PCDHB9: variants seen among roughly 807,000 people sequenced by gnomAD.
PCDHB9 encodes protocadherin beta-9.
For synonymous variants in PCDHB9, 501 were observed against 439.7 expected (o/e 1.14, Z -1.75); for missense variants, 1,072 against 995.1 (o/e 1.08, Z -1.04).
rs1478195390 is a variant in PCDHB9, at chr5:141,187,232, A to T, written c.-87A>T. The T allele has an allele frequency of 2.2e-6, 3 of 1,387,854 alleles. No individual in the cohort carries two copies. The Admixed American group carries it at 6.6e-5, about 31-fold the overall frequency. 86.0% of individuals were successfully genotyped at this position (1,387,854 alleles called of 1,614,324 possible). ...GGAAAGGAAAAATTAAAAACCCTAG[A>T]TCTCTGGTACACATAAGTCTGGGTT... On this transcript the variant is annotated 5_prime_UTR_variant, in exon 1 of 1. Coordinates refer to ENST00000316105, the MANE Select transcript of PCDHB9 (RefSeq NM_019119.5).
chr5:141,187,888 A>G lies in PCDHB9; in HGVS notation c.570A>G (p.Ile190Met). 2.5e-6 allele frequency: 4 copies of G among 1,614,210 alleles called. No homozygotes were observed. Among genetic ancestry groups the G allele is most frequent in the Non-Finnish European group, 3.4e-6 (4 of 1,180,032 alleles). Residue 190 changes from isoleucine (I) to methionine (M), a missense_variant, in exon 1 of 1, where the codon ATA becomes ATG. Transcript: ENST00000316105. ...IKISGSDEGM[I>M]YPELVLDKAL... is the part of the protein sequence containing the mutation. ...TTAGTGGCAGTGATGAAGGCATGAT[A>G]TATCCAGAGCTAGTGTTGGACAAAG...
In PCDHB9 at chr5:141,188,059, T is replaced by G. The variant is rs1753783988; in HGVS notation, c.741T>G (p.Tyr247Ter). The G allele has an allele frequency of 6.2e-7, 1 of 1,613,874 alleles. No individual in the cohort carries two copies. The highest frequency in any genetic ancestry group is 8.5e-7 in the Non-Finnish European group (1 of 1,179,952). The change falls in exon 1 of 1, where the codon TAT becomes TAG. Residue 247 changes from tyrosine (Y) to a stop codon, truncating the protein, a stop_gained. Coordinates refer to ENST00000316105, the MANE Select transcript of PCDHB9 (RefSeq NM_019119.5). LOFTEE classifies it low-confidence loss of function (END_TRUNC). ...DNVPQFAQAL[Y>*]ETQAPENSPV... ...TCCCACAGTTTGCCCAGGCTCTGTA[T>G]GAGACCCAGGCTCCAGAAAACAGTC...
In PCDHB9 at chr5:141,188,691, T is replaced by C. The variant is rs782231511; in HGVS notation, c.1373T>C (p.Leu458Pro). ...GCCTTCACCCAAACCTCCTACACCC[T>C]GTTCGTCCGGGAGAACAACAGCCCC... Reference protein sequence around the residue: ...APAFTQTSYTLFVRENNSPAL... With the variant: ...APAFTQTSYTPFVRENNSPAL... Residue 458 changes from leucine to proline, a missense_variant, in exon 1 of 1, where the codon CTG becomes CCG. By Grantham distance (98) the Leu-to-Pro change is moderately conservative. Coordinates refer to ENST00000316105, the MANE Select transcript of PCDHB9 (RefSeq NM_019119.5). 7.4e-6 allele frequency: 12 copies of C among 1,614,018 alleles called. No individual in the cohort carries two copies. Among genetic ancestry groups the C allele is most frequent in the East Asian group, 2.2e-5 (1 of 44,874 alleles).
rs1392447349 is a variant in PCDHB9 at position 141,191,311 on chromosome 5, G to GA, written c.*1605dup. Reference sequence around the variant, plus strand: ...AAAAGAACTTTGAATAAAATTCTATGAAAAAAGACACTAGAATGCTGTTCT... The same window carrying GA: ...AAAAGAACTTTGAATAAAATTCTATGAAAAAAAGACACTAGAATGCTGTTCT... On this transcript the variant is annotated 3_prime_UTR_variant, in exon 1 of 1. Coordinates refer to ENST00000316105, the MANE Select transcript of PCDHB9 (RefSeq NM_019119.5). 6.6e-6 allele frequency: 1 copy of GA among 152,016 alleles called. No homozygotes were observed. The highest frequency in any genetic ancestry group is 2.4e-5 in the African/African-American group (1 of 41,372). The allele number at this position is 152,016 out of a possible 1,614,324, so 9.4% of individuals were successfully genotyped here.
In PCDHB9 at chr5:141,188,910, T is replaced by C; in HGVS notation, c.1592T>C (p.Val531Ala). 6.2e-7 allele frequency: 1 copy of C among 1,612,328 alleles called. No individual in the cohort carries two copies. The highest frequency in any genetic ancestry group is 8.5e-7 in the Non-Finnish European group (1 of 1,179,870). Residue 531 changes from valine to alanine, a missense_variant, in exon 1 of 1, where the codon GTG becomes GCG. Coordinates refer to ENST00000316105, the MANE Select transcript of PCDHB9 (RefSeq NM_019119.5). ...YEALQAFDFRVGASDRGSPAL... is the reference protein window; with the variant it reads ...YEALQAFDFRAGASDRGSPAL... ...GCCCTGCAGGCTTTCGACTTCCGCG[T>C]GGGCGCCTCAGACCGCGGCTCCCCG...
In PCDHB9 at chr5:141,188,861, G is replaced by T. The variant is rs1554283148; in HGVS notation, c.1543G>T (p.Ala515Ser). ...CAACGCGGACAATGGCCACCTGTTT[G>T]CCCTCAGGTCGCTGGACTACGAGGC... is the stretch of plus-strand genomic sequence containing the variant. The part of the protein sequence containing the change: ...SINADNGHLF[A>S]LRSLDYEALQ... Residue 515 changes from alanine to serine, a missense_variant, in exon 1 of 1, where the codon GCC becomes TCC. Coordinates refer to ENST00000316105, the MANE Select transcript of PCDHB9 (RefSeq NM_019119.5). 2.5e-6 allele frequency: 4 copies of T among 1,612,832 alleles called. No homozygotes were observed. Among genetic ancestry groups the T allele is most frequent in the African/African-American group, 1.3e-5 (1 of 75,018 alleles).
Position 141,187,579 on chromosome 5 carries a change from T to G in PCDHB9, c.261T>G (p.Asn87Lys). ...LDSHTGNLLT[N>K]EKLDREKLCG... is the part of the protein sequence containing the mutation. ...CACATACCGGGAATTTGCTCACAAATGAGAAACTGGACCGAGAGAAGCTGT... is the reference window on the plus strand; with the variant it reads ...CACATACCGGGAATTTGCTCACAAAGGAGAAACTGGACCGAGAGAAGCTGT... Residue 87 changes from asparagine (N) to lysine (K), a missense_variant, in exon 1 of 1, where the codon AAT (asparagine) becomes AAG (lysine). Physicochemically the swap from Asn to Lys is moderately conservative, Grantham distance 94 (BLOSUM62 0). Transcript: ENST00000316105. 1 of 1,609,932 alleles carries G rather than the reference T, an allele frequency of 6.2e-7. No homozygotes were observed. Among genetic ancestry groups the G allele is most frequent in the South Asian group, 1.1e-5 (1 of 90,946 alleles).
chr5:141,187,477 A>G lies in PCDHB9; in HGVS notation c.159A>G (p.Gly53=), dbSNP rs1288672408. The G allele has an allele frequency of 3.0e-5, 49 of 1,613,350 alleles. No individual in the cohort carries two copies. The highest frequency in any genetic ancestry group is 4.1e-5 in the Non-Finnish European group (48 of 1,179,692). The part of the protein sequence containing the change: ...SFVVNLAKDL[G]LAEGELAARG... Reference sequence around the variant, plus strand: ...TGGTCAATCTGGCAAAGGATCTGGGACTAGCAGAGGGGGAGCTGGCTGCAA... The same window carrying G: ...TGGTCAATCTGGCAAAGGATCTGGGGCTAGCAGAGGGGGAGCTGGCTGCAA... Residue 53 remains glycine, a synonymous_variant, in exon 1 of 1, where the codon GGA becomes GGG. Coordinates refer to ENST00000316105, the MANE Select transcript of PCDHB9 (RefSeq NM_019119.5).
Position 141,188,503 on chromosome 5 carries a change from G to C in PCDHB9, c.1185G>C (p.Pro395=), listed in dbSNP as rs782695057. 6.2e-7 allele frequency: 1 copy of C among 1,613,926 alleles called. No individual in the cohort carries two copies. Among genetic ancestry groups the C allele is most frequent in the Non-Finnish European group, 8.5e-7 (1 of 1,179,996 alleles). The part of the protein sequence containing the change: ...VQDNLPFFLK[P]SVDNFYILMT... ...ATAATCTGCCTTTTTTTCTGAAACC[G>C]TCTGTTGACAATTTTTACATCCTAA... The change falls in exon 1 of 1, where the codon CCG becomes CCC. Residue 395 remains proline (P), a synonymous_variant. Transcript: ENST00000316105.
chr5:141,190,631 T>C lies in PCDHB9; in HGVS notation c.*919T>C, dbSNP rs1753880787. 2.2e-5 allele frequency: 3 copies of C among 134,488 alleles called. No homozygotes were observed. Among genetic ancestry groups the C allele is most frequent in the African/African-American group, 8.6e-5 (3 of 34,800 alleles). The allele number at this position is 134,488 out of a possible 1,614,324, so 8.3% of individuals were successfully genotyped here. Reference sequence around the variant, plus strand: ...AAAAACCACTGCAAGATATTAAGCGTGTGTAAATGGGCTTTAGTCTGGAAA... The same window carrying C: ...AAAAACCACTGCAAGATATTAAGCGCGTGTAAATGGGCTTTAGTCTGGAAA... On this transcript the variant is annotated 3_prime_UTR_variant, in exon 1 of 1. Transcript: ENST00000316105.
rs782004801 is a variant in PCDHB9 at position 141,187,344 on chromosome 5, C to T, written c.26C>T (p.Pro9Leu). Residue 9 changes from proline to leucine, a missense_variant, in exon 1 of 1, where the codon CCA becomes CTA. Physicochemically the swap from Pro to Leu is moderately conservative, Grantham distance 98. Coordinates refer to ENST00000316105, the MANE Select transcript of PCDHB9 (RefSeq NM_019119.5). ...ATGAAGACCAGGGGGTTCAGCTTTC[C>T]AAGACAAAGGCAAGTCCTGTTTCTT... MKTRGFSFPRQRQVLFLFL... is the reference protein window; with the variant it reads MKTRGFSFLRQRQVLFLFL... 1.2e-6 allele frequency: 2 copies of T among 1,614,000 alleles called. No individual in the cohort carries two copies. The highest frequency in any genetic ancestry group is 1.7e-5 in the Admixed American group (1 of 59,974).
chr5:141,187,738 A>G lies in PCDHB9; in HGVS notation c.420A>G (p.Leu140=). The G allele has an allele frequency of 1.2e-6, 2 of 1,614,206 alleles. No individual in the cohort carries two copies. The highest frequency in any genetic ancestry group is 1.7e-6 in the Non-Finnish European group (2 of 1,180,042). The change falls in exon 1 of 1, where the codon TTA becomes TTG. Residue 140 remains leucine (L), a synonymous_variant. Coordinates refer to ENST00000316105, the MANE Select transcript of PCDHB9 (RefSeq NM_019119.5). ...SPVFRHKEMV[L]KISENTAEGT... ...TGTTTCGGCACAAAGAGATGGTCTT[A>G]AAAATATCAGAAAATACAGCTGAAG...
rs777501157 is a variant in PCDHB9, at chr5:141,190,055, A to G, written c.*343A>G. ...TTTACTTGTTAAAATAGTCTGCTGC[A>G]TGTAATATGTGCTTTTACTATTTGA... On this transcript the variant is annotated 3_prime_UTR_variant, in exon 1 of 1. Transcript: ENST00000316105. The G allele has an allele frequency of 6.2e-5, 12 of 192,278 alleles. No individual in the cohort carries two copies. Among genetic ancestry groups the G allele is most frequent in the Non-Finnish European group, 1.3e-4 (12 of 95,534 alleles). The allele number at this position is 192,278 out of a possible 1,614,324, so 11.9% of individuals were successfully genotyped here. A position where few individuals can be genotyped will look rare whatever the true frequency, so the allele number is the denominator to read the frequency against.
At position 141,190,991 on chromosome 5, in the gene PCDHB9, A is replaced by G. The variant is rs1554283645; in HGVS notation, c.*1279A>G. The G allele has an allele frequency of 6.6e-6, 1 of 152,214 alleles. No homozygotes were observed. Among genetic ancestry groups the G allele is most frequent in the Non-Finnish European group, 1.5e-5 (1 of 68,084 alleles). 9.4% of individuals were successfully genotyped at this position (152,214 alleles called of 1,614,324 possible). On this transcript the variant is annotated 3_prime_UTR_variant, in exon 1 of 1. Transcript: ENST00000316105. ...TCTTTGAGGCAGGGCTCAGTGGCTC[A>G]TTCCTGTAATCCCAGCACTTTGGGA... is the stretch of plus-strand genomic sequence containing the variant.
Position 141,187,252 on chromosome 5 carries a change from T to C in PCDHB9, c.-67T>C. 3.4e-6 allele frequency: 5 copies of C among 1,491,286 alleles called. No individual in the cohort carries two copies. Among genetic ancestry groups the C allele is most frequent in the Non-Finnish European group, 4.6e-6 (5 of 1,095,826 alleles). The allele number at this position is 1,491,286 out of a possible 1,614,324, so 92.4% of individuals were successfully genotyped here. Reference sequence around the variant, plus strand: ...CCTAGATCTCTGGTACACATAAGTCTGGGTTTGCGATTGCTATTTGTGCTG... The same window carrying C: ...CCTAGATCTCTGGTACACATAAGTCCGGGTTTGCGATTGCTATTTGTGCTG... On this transcript the variant is annotated 5_prime_UTR_variant, in exon 1 of 1. Coordinates refer to ENST00000316105, the MANE Select transcript of PCDHB9 (RefSeq NM_019119.5).
At position 141,187,680 on chromosome 5, in the gene PCDHB9, T is replaced by G. The variant is rs782082276; in HGVS notation, c.362T>G (p.Leu121Arg). 3.1e-6 allele frequency: 5 copies of G among 1,614,022 alleles called. 1 individual carries two copies. The South Asian group carries it at 5.5e-5, about 18-fold the overall frequency. The change falls in exon 1 of 1, where the codon CTG becomes CGG. Residue 121 changes from leucine (L) to arginine (R), a missense_variant. Transcript: ENST00000316105. ...CCCTTTCAGATTTACCGGGCTGAGCTGAGAGTCAGGGATATAAATGATCAC... is the reference window on the plus strand; with the variant it reads ...CCCTTTCAGATTTACCGGGCTGAGCGGAGAGTCAGGGATATAAATGATCAC... ...DDPFQIYRAELRVRDINDHSP... is the reference protein window; with the variant it reads ...DDPFQIYRAERRVRDINDHSP...
At position 141,189,515 on chromosome 5, in the gene PCDHB9, C is replaced by T. The variant is rs1554283387; in HGVS notation, c.2197C>T (p.Pro733Ser). 5 of 1,613,882 alleles carry T rather than the reference C, an allele frequency of 3.1e-6. No homozygotes were observed. Among genetic ancestry groups the T allele is most frequent in the South Asian group, 2.2e-5 (2 of 91,070 alleles). Reference protein sequence around the residue: ...GRCSVPEGPFPGHLVDVSGTG... With the variant: ...GRCSVPEGPFSGHLVDVSGTG... The stretch of plus-strand genomic sequence containing the variant: ...CTGCTCGGTGCCCGAGGGTCCTTTT[C>T]CAGGGCATCTGGTGGACGTGAGCGG... Residue 733 changes from proline to serine, a missense_variant, in exon 1 of 1, where the codon CCA (proline) becomes TCA (serine). Transcript: ENST00000316105.
Position 141,188,682 on chromosome 5 carries a change from C to T in PCDHB9, c.1364C>T (p.Ser455Phe), listed in dbSNP as rs1554283076. The T allele has an allele frequency of 1.2e-6, 2 of 1,614,086 alleles. No individual in the cohort carries two copies. The highest frequency in any genetic ancestry group is 1.1e-5 in the South Asian group (1 of 91,078). Reference sequence around the variant, plus strand: ...AACGCCCCCGCCTTCACCCAAACCTCCTACACCCTGTTCGTCCGGGAGAAC... The same window carrying T: ...AACGCCCCCGCCTTCACCCAAACCTTCTACACCCTGTTCGTCCGGGAGAAC... ...NDNAPAFTQT[S>F]YTLFVRENNS... Residue 455 changes from serine to phenylalanine, a missense_variant, in exon 1 of 1, where the codon TCC becomes TTC. Coordinates refer to ENST00000316105, the MANE Select transcript of PCDHB9 (RefSeq NM_019119.5).
chr5:141,188,488 T>A lies in PCDHB9; in HGVS notation c.1170T>A (p.Pro390=). The change falls in exon 1 of 1, where the codon CCT becomes CCA. Residue 390 remains proline, a synonymous_variant. Transcript: ENST00000316105. ...KTICYVQDNL[P]FFLKPSVDNF... is the part of the protein sequence containing the mutation. ...TTTGCTATGTTCAAGATAATCTGCC[T>A]TTTTTTCTGAAACCGTCTGTTGACA... 6.2e-7 allele frequency: 1 copy of A among 1,613,068 alleles called. No individual in the cohort carries two copies. Among genetic ancestry groups the A allele is most frequent in the Non-Finnish European group, 8.5e-7 (1 of 1,179,168 alleles).
Sources: allele counts gnomAD v4.1 joint callset, GRCh38; gene constraint gnomAD v4.1.1; transcripts MANE v1.5; gene names NCBI Gene and HGNC (gene_info 2026-07-23, HGNC 2026-07-21).